The following NAV2 variants were observed in gnomAD, a reference collection of about 807,000 sequenced individuals.
The protein encoded by NAV2 is neuron navigator 2, also known as helicase, APC down-regulated 1.
In NAV2, 54 loss-of-function variants were observed where a neutral mutation model predicts 223.2. That is an observed-to-expected ratio of 0.24 (90% CI 0.19 to 0.30). NAV2 has a LOEUF of 0.30. Ranked by LOEUF, NAV2 falls within the 10% of genes least tolerant of loss-of-function variation. NAV2 has a pLI of 1.00. For missense variants in NAV2, 2,806 were observed against 3,147.5 expected (o/e 0.89, Z 2.60); for synonymous variants, 1,279 against 1,239.3 (o/e 1.03, Z -0.67).
At chr11:19,407,854 G>T (rs1849967883) in intron 1 of NAV2, among the ~76,000 whole-genome samples, 1 of 152,162 alleles carries the variant, frequency 6.6e-6, no homozygotes, top group Non-Finnish European at 1.5e-5. Context: ...AATGCGTGTT[G>T]TCCTTTGTTT....
At chr11:19,397,266 C>A (rs1849488271) in intron 1 of NAV2, among the ~76,000 whole-genome samples, 1 of 152,140 alleles carries the variant, frequency 6.6e-6, no homozygotes, top group Admixed American at 6.5e-5. Context: ...TTTCTCTGAT[C>A]ATTAGAACTA....
intron 7 of NAV2, among the ~76,000 whole-genome samples, chr11:19,936,935 C>T (rs1038932057): frequency 6.6e-6 from 1 of 152,114 alleles, no homozygotes; most frequent in African/African-American, 2.4e-5. Flanking sequence ...GTCAGGGGTT[C>T]AAGACCAGCC....
chr11:19,596,037 G>T (rs560827016), intron 1 of NAV2, among the ~76,000 whole-genome samples: 2 of 152,110 alleles, frequency 1.3e-5, no homozygotes, highest in Admixed American at 1.3e-4. Flanking sequence ...TATTAATCAC[G>T]TTATTTTAAA....
chr11:19,989,279 G>T (rs910566541), intron 11 of NAV2, among the ~76,000 whole-genome samples: 2 of 152,182 alleles, frequency 1.3e-5, no homozygotes, highest in African/African-American at 4.8e-5. Context: ...AGGCCAAGAG[G>T]AGGAGGTCAG....
At chr11:19,853,381 G>A (rs532598267) in intron 3 of NAV2, among the ~76,000 whole-genome samples, 378 of 152,344 alleles carry the variant, frequency 2.5e-3, no homozygotes, top group African/African-American at 8.8e-3. Context: ...TTGCTTTTTG[G>A]AAAGGTTAGG....
At chr11:19,365,824 T>C (rs1848258638) in intron 1 of NAV2, among the ~76,000 whole-genome samples, 1 of 152,238 alleles carries the variant, frequency 6.6e-6, no homozygotes, top group South Asian at 2.1e-4. Context: ...ATAGAGTGCA[T>C]GAGTCAGTGA....
chr11:19,995,438 C>A (rs998745219), intron 11 of NAV2, among the ~76,000 whole-genome samples: 2 of 152,174 alleles, frequency 1.3e-5, no homozygotes, highest in African/African-American at 2.4e-5. Context: ...TGCCGTGGGG[C>A]CCCCTCTTGT....
chr11:19,748,652 A>G (rs1168417295), intron 1 of NAV2, among the ~76,000 whole-genome samples: 1 of 152,232 alleles, frequency 6.6e-6, no homozygotes, highest in Non-Finnish European at 1.5e-5. Context: ...CATTGTCATG[A>G]GTATTAAATG....
At chr11:19,659,458 G>A (rs1288575254) in intron 1 of NAV2, among the ~76,000 whole-genome samples, 1 of 152,166 alleles carries the variant, frequency 6.6e-6, no homozygotes, top group Non-Finnish European at 1.5e-5. Context: ...GGGGTGATGT[G>A]CTCTAATTTA....
At chr11:19,661,686 T>C (rs181779516) in intron 1 of NAV2, among the ~76,000 whole-genome samples, 1 of 151,804 alleles carries the variant, frequency 6.6e-6, no homozygotes, top group African/African-American at 2.4e-5. Context: ...TGGACAGTTA[T>C]TATGATACTA....
intron 6 of NAV2, among the ~76,000 whole-genome samples, chr11:19,897,924 A>G (rs992574895): frequency 1.3e-5 from 2 of 149,470 alleles, no homozygotes; most frequent in African/African-American, 5.0e-5. Flanking sequence ...ATTTGCCCGC[A>G]GGAAGACTAC....
At chr11:20,106,914 G>C (rs1427799202) in intron 35 of NAV2, among the ~76,000 whole-genome samples, 1 of 151,930 alleles carries the variant, frequency 6.6e-6, no homozygotes, top group Non-Finnish European at 1.5e-5. Context: ...CCAAAGTGCT[G>C]GGATTACAGG....
chr11:19,436,437 G>A (rs1362018596), intron 1 of NAV2, among the ~76,000 whole-genome samples: 2 of 152,078 alleles, frequency 1.3e-5, no homozygotes, highest in East Asian at 1.9e-4. Context: ...TGGTCTATGT[G>A]TGTTTTTATG....
chr11:19,567,852 G>A (rs1002124617), intron 1 of NAV2, among the ~76,000 whole-genome samples: 1 of 152,112 alleles, frequency 6.6e-6, no homozygotes, highest in Non-Finnish European at 1.5e-5. Flanking sequence ...TCCTCCTTCC[G>A]AGGGGTCTCC....
chr11:19,897,849 A>C (rs1158229303), intron 6 of NAV2, among the ~76,000 whole-genome samples: 1 of 139,382 alleles, frequency 7.2e-6, no homozygotes, highest in Non-Finnish European at 1.5e-5. Flanking sequence ...TCTCTCCTGC[A>C]AGCAGCAATG....
rs1217420679 is a variant in NAV2, at chr11:20,096,996, T to A, written c.6013-581T>A. On this transcript the variant is annotated intron_variant, in intron 30 of 37. Transcript: ENST00000349880. ...TACTGGGATTCCACCTAAGTCATCG[T>A]GCAGTCACCTCCTAGTACATGGACC... Among the ~76,000 whole-genome samples, 4 of 152,358 alleles carry A rather than the reference T, an allele frequency of 2.6e-5. No homozygotes were observed. The East Asian group carries it at 5.8e-4, about 22-fold the overall frequency.
At chr11:19,694,211 A>G (rs2049262623) in intron 1 of NAV2, among the ~76,000 whole-genome samples, 1 of 152,170 alleles carries the variant, frequency 6.6e-6, no homozygotes, top group South Asian at 2.1e-4. Context: ...CCAAGCAAGG[A>G]TGAGGTTTCA....
Position 20,105,628 on chromosome 11 carries a change from C to T in NAV2, c.6742C>T (p.Arg2248Cys), listed in dbSNP as rs753612098. ...GGAAACAGAGATCAGTGGGCGGGTGCGCAATATGGAGCTGGTAAAAATCAT... is the reference window on the plus strand; with the variant it reads ...GGAAACAGAGATCAGTGGGCGGGTGTGCAATATGGAGCTGGTAAAAATCAT... ...LMETEISGRV[R>C]NMELVKIIDW... Residue 2248 changes from arginine to cysteine, a missense_variant, in exon 35 of 38, where the codon CGC (arginine) becomes TGC (cysteine). Physicochemically the swap from Arg to Cys is radical, Grantham distance 180. Coordinates refer to ENST00000349880, the MANE Select transcript of NAV2 (RefSeq NM_145117.5). The T allele has an allele frequency of 3.5e-5, 56 of 1,613,780 alleles. No individual in the cohort carries two copies. The highest frequency in any genetic ancestry group is 7.7e-5 in the South Asian group (7 of 91,052).
chr11:20,062,126 C>T (rs1414266523), intron 19 of NAV2, among the ~76,000 whole-genome samples, 181 bp from the exon 20 acceptor site: 1 of 152,148 alleles, frequency 6.6e-6, no homozygotes, highest in African/African-American at 2.4e-5. Context: ...AAGTGACATC[C>T]TTAGCAAACT....
Sources: allele counts gnomAD v4.1 joint callset (sites outside exome capture counted in the v4.1 genomes callset), GRCh38; gene constraint gnomAD v4.1.1; transcripts MANE v1.5; gene names NCBI Gene and HGNC (gene_info 2026-07-23, HGNC 2026-07-21).